Variants in EYS observed in about 807,000 individuals in gnomAD.
EYS encodes EGF-like photoreceptor maintenance factor.
EYS carries 250 observed loss-of-function variants against 282.1 expected under a neutral mutation model. The observed-to-expected ratio is 0.89, with a 90% CI of 0.80 to 0.98. EYS has a LOEUF of 0.98. Among genes scored for constraint, EYS ranks in the 50% least tolerant of loss-of-function variants. The probability of loss-of-function intolerance (pLI) is 0.00; values close to 1 mark genes in which losing one functional copy is unlikely to be tolerated. For synonymous variants in EYS, 1,355 were observed against 1,282.9 expected, an observed-to-expected ratio of 1.06 and a Z score of -1.20; for missense variants, 4,016 against 3,709.0, an observed-to-expected ratio of 1.08 and a Z score of -2.15.
chr6:64,670,688 A>G (rs1053629344), intron 22 of EYS, among the ~76,000 whole-genome samples: 1 of 152,150 alleles, frequency 6.6e-6, no homozygotes, highest in Non-Finnish European at 1.5e-5. Flanking sequence ...GTCTGCTAAC[A>G]AGGGCTTATT....
At chr6:63,984,318 C>T (rs1160032373) in intron 35 of EYS, 65 bp downstream of exon 35, 5 of 1,194,822 alleles carry the variant, frequency 4.2e-6, no homozygotes, top group Non-Finnish European at 3.6e-6. Context: ...ATACTGCTGG[C>T]TTTTGTTGTT....
intron 2 of EYS, among the ~76,000 whole-genome samples, chr6:65,609,091 A>G (rs1046693615): frequency 1.3e-5 from 2 of 152,110 alleles, no homozygotes; most frequent in Non-Finnish European, 2.9e-5. Flanking sequence ...TTTATTATAA[A>G]GTAGCACATA....
intron 35 of EYS, among the ~76,000 whole-genome samples, chr6:63,912,354 A>G (rs922188664): frequency 6.6e-6 from 1 of 152,182 alleles, no homozygotes; most frequent in African/African-American, 2.4e-5. Context: ...TAAATATTCT[A>G]ATAGCCACAT....
rs548669101 is a variant in EYS at position 64,621,138 on chromosome 6, C to T, written c.3569-3605G>A. Among the ~76,000 whole-genome samples the T allele has an allele frequency of 9.2e-5, 14 of 152,190 alleles. No homozygotes were observed. The South Asian group carries it at 2.9e-3, about 32-fold the overall frequency. On this transcript the variant is annotated intron_variant, in intron 23 of 42. Transcript: ENST00000503581. ...GGGAGCCAACCCACCCAGCCTAAAA[C>T]TAGAGTGATCTTAAGTTGAAGACTA...
intron 33 of EYS, among the ~76,000 whole-genome samples, chr6:64,014,974 C>A (rs1178448029): frequency 6.6e-6 from 1 of 151,914 alleles, no homozygotes; most frequent in Non-Finnish European, 1.5e-5. Context: ...GAAATTCAAC[C>A]AATATAAAAA....
Position 65,427,493 on chromosome 6 carries a change from A to G in EYS, c.863-22126T>C, listed in dbSNP as rs531843331. ...TATTTCTCTTTAAATTGTGTTTTCA[A>G]TAGCCTATTAATGTAATTATAAACA... On this transcript the variant is annotated intron_variant, in intron 5 of 42. Transcript: ENST00000503581. 2.0e-5 allele frequency among the ~76,000 whole-genome samples: 3 copies of G among 152,204 alleles called. No homozygotes were observed. The South Asian group carries it at 6.2e-4, about 32-fold the overall frequency.
intron 1 of EYS, among the ~76,000 whole-genome samples, chr6:65,656,927 C>T (rs1416455406): frequency 6.6e-6 from 1 of 151,858 alleles, no homozygotes; most frequent in Non-Finnish European, 1.5e-5. Context: ...TTGTTAGAGG[C>T]TAATGTAGCT....
intron 22 of EYS, among the ~76,000 whole-genome samples, chr6:64,710,817 T>G (rs569692128): frequency 1.4e-4 from 22 of 152,334 alleles, no homozygotes; most frequent in African/African-American, 5.0e-4. Flanking sequence ...TTGTGGAACA[T>G]TTATGCAAAT....
At chr6:64,268,609 G>A (rs1767841319) in intron 30 of EYS, among the ~76,000 whole-genome samples, 1 of 152,156 alleles carries the variant, frequency 6.6e-6, no homozygotes, top group South Asian at 2.1e-4. Flanking sequence ...TAATGGAAGT[G>A]AAGAAGATGA....
At chr6:65,479,233 G>C (rs1259301530) in intron 5 of EYS, among the ~76,000 whole-genome samples, 1 of 152,166 alleles carries the variant, frequency 6.6e-6, no homozygotes, top group East Asian at 1.9e-4. Flanking sequence ...AGAAGGAAAG[G>C]AAGGAGACAT....
chr6:64,661,422 A>G (rs1455785534), intron 22 of EYS, among the ~76,000 whole-genome samples: 10 of 152,204 alleles, frequency 6.6e-5, no homozygotes, highest in Non-Finnish European at 1.0e-4. Context: ...CTGCACAGCA[A>G]AAGAAACTAC....
At chr6:65,600,986 G>A (rs1411009756) in intron 2 of EYS, among the ~76,000 whole-genome samples, 1 of 151,614 alleles carries the variant, frequency 6.6e-6, no homozygotes, top group Non-Finnish European at 1.5e-5. Flanking sequence ...CTTTATATGA[G>A]TTATTATTTC....
chr6:64,517,094 C>T (rs916581601), intron 26 of EYS, among the ~76,000 whole-genome samples: 5 of 151,752 alleles, frequency 3.3e-5, no homozygotes, highest in African/African-American at 1.2e-4. Context: ...AGATTATATA[C>T]TGTCATATCT....
intron 2 of EYS, among the ~76,000 whole-genome samples, chr6:65,634,182 C>T (rs1053685769): frequency 6.6e-6 from 1 of 152,096 alleles, no homozygotes; most frequent in African/African-American, 2.4e-5. Flanking sequence ...CATGAAGAGA[C>T]AAACATATGG....
intron 13 of EYS, among the ~76,000 whole-genome samples, chr6:65,014,064 T>A (rs1771967795): frequency 6.6e-6 from 1 of 152,196 alleles, no homozygotes; most frequent in African/African-American, 2.4e-5. Context: ...ATTATCCTAC[T>A]TGCCTCAAAG....
intron 31 of EYS, among the ~76,000 whole-genome samples, chr6:64,137,825 A>C (rs1378869589): frequency 6.6e-6 from 1 of 152,194 alleles, no homozygotes; most frequent in Non-Finnish European, 1.5e-5. Flanking sequence ...GAGAATCATC[A>C]AAATGTGGCA....
chr6:64,151,783 G>A (rs1290586622), intron 31 of EYS, among the ~76,000 whole-genome samples: 2 of 152,058 alleles, frequency 1.3e-5, no homozygotes, highest in Non-Finnish European at 2.9e-5. Flanking sequence ...AATATTTGGA[G>A]GTGACTCTGG....
chr6:64,474,020 T>C (rs977129409), intron 26 of EYS, among the ~76,000 whole-genome samples: 2 of 152,206 alleles, frequency 1.3e-5, no homozygotes, highest in Non-Finnish European at 2.9e-5. Flanking sequence ...TAAATTCTTA[T>C]ATCCCCATTT....
intron 2 of EYS, among the ~76,000 whole-genome samples, chr6:65,539,374 A>T (rs1768078952): frequency 6.6e-6 from 1 of 152,196 alleles, no homozygotes; most frequent in Non-Finnish European, 1.5e-5. Flanking sequence ...CTCATTCAGT[A>T]AAATTTCCTA....
Sources: gnomAD v4.1 joint callset for allele counts (sites outside exome capture counted in the v4.1 genomes callset) on GRCh38, gnomAD v4.1.1 for gene constraint, MANE v1.5 for transcripts, NCBI Gene and HGNC (gene_info 2026-07-23, HGNC 2026-07-21) for gene names.